Variants in TTBK2 observed in about 807,000 individuals in gnomAD.
TTBK2 encodes tau tubulin kinase 2.
A neutral mutation model predicts 110.8 loss-of-function variants in TTBK2; 28 were observed. The ratio of observed to expected loss-of-function variants is 0.25; its 90% confidence interval spans 0.19 to 0.35. The LOEUF (loss-of-function observed/expected upper bound fraction) is 0.35. Among genes scored for constraint, TTBK2 ranks in the 10% least tolerant of loss-of-function variants. The pLI is 1.00. For synonymous variants in TTBK2, 532 were observed against 527.3 expected, an observed-to-expected ratio of 1.01 and a Z score of -0.12; for missense variants, 1,369 against 1,500.3, an observed-to-expected ratio of 0.91 and a Z score of 1.45.
chr15:42,807,966 T>G (rs563176085), intron 9 of TTBK2, among the ~76,000 whole-genome samples: 1 of 152,212 alleles, frequency 6.6e-6, no homozygotes, highest in South Asian at 2.1e-4. Context: ...TTGTTGAAAA[T>G]TTAGGTGCCA....
chr15:42,907,138 T>A (rs189526440), intron 1 of TTBK2, among the ~76,000 whole-genome samples: 2,031 of 152,122 alleles, frequency 0.013, 50 homozygotes, highest in African/African-American at 0.044. Flanking sequence ...TATGATATCA[T>A]CTCACCCCAG....
chr15:42,784,556 G>A (rs1890325832), intron 10 of TTBK2, among the ~76,000 whole-genome samples: 1 of 152,222 alleles, frequency 6.6e-6, no homozygotes, highest in African/African-American at 2.4e-5. Context: ...GGGATTACAG[G>A]TGTGAGCCAC....
At chr15:42,830,157 C>A (rs1892689720) in intron 4 of TTBK2, 79 bp from the exon 5 acceptor site, 2 of 1,547,438 alleles carry the variant, frequency 1.3e-6, no homozygotes, top group African/African-American at 1.4e-5. Context: ...TACTCACTTA[C>A]CATTAAAAGA....
chr15:42,873,356 C>A (rs1260046610), intron 2 of TTBK2, among the ~76,000 whole-genome samples: 13 of 152,218 alleles, frequency 8.5e-5, no homozygotes, highest in African/African-American at 2.9e-4. Context: ...ATTGCTTGAA[C>A]CCAGGAGGCA....
intron 4 of TTBK2, among the ~76,000 whole-genome samples, chr15:42,830,748 G>C (rs982775234): frequency 6.6e-6 from 1 of 151,932 alleles, no homozygotes; most frequent in African/African-American, 2.4e-5. Context: ...GCTCACGCCT[G>C]TAATCCCAGC....
chr15:42,766,460 A>AT (rs1358707092), intron 13 of TTBK2, among the ~76,000 whole-genome samples: 1 of 145,808 alleles, frequency 6.9e-6, no homozygotes, highest in East Asian at 1.9e-4. Context: ...AAAAAAAAAA[A>AT]AAAAAAAGCA....
chr15:42,912,673 C>G (rs180750404), intron 1 of TTBK2, among the ~76,000 whole-genome samples: 1 of 150,460 alleles, frequency 6.6e-6, no homozygotes, highest in Non-Finnish European at 1.5e-5. Flanking sequence ...ATTGCAAGAT[C>G]GCGCCATTGC....
chr15:42,759,064 T>C (rs1226913883), intron 13 of TTBK2, among the ~76,000 whole-genome samples: 4 of 152,232 alleles, frequency 2.6e-5, no homozygotes, highest in Non-Finnish European at 5.9e-5. Context: ...GCCCTTGGAC[T>C]CCATCTTCAT....
intron 11 of TTBK2, among the ~76,000 whole-genome samples, chr15:42,778,956 C>T (rs1040684950): frequency 2.6e-5 from 4 of 151,900 alleles, no homozygotes; most frequent in East Asian, 1.9e-4. Flanking sequence ...ATAGTGAAAA[C>T]GCAGAACACC....
intron 3 of TTBK2, among the ~76,000 whole-genome samples, chr15:42,852,638 T>C (rs969185045): frequency 1.3e-5 from 2 of 152,150 alleles, no homozygotes; most frequent in African/African-American, 4.8e-5. Flanking sequence ...TAAAATAATC[T>C]AGACCTATTC....
At chr15:42,864,322 C>T (rs1179969195) in intron 3 of TTBK2, among the ~76,000 whole-genome samples, 2 of 152,094 alleles carry the variant, frequency 1.3e-5, no homozygotes, top group Non-Finnish European at 2.9e-5. Context: ...TGGTGGCTAA[C>T]GCCTATAATC....
rs1555427627 is a variant in TTBK2 at position 42,815,958 on chromosome 15, A to ATATATATATATATATAT, written c.603+1073_603+1074insATATATATATATATATA. Reference sequence around the variant, plus strand: ...TATATATATATATATTTAAAAAAAAAATATATATATATATATATATTTGAG... The same window carrying ATATATATATATATATAT: ...TATATATATATATATTTAAAAAAAAATATATATATATATATATATATATATATATATATATATTTGAG... On this transcript the variant is annotated intron_variant, in intron 7 of 14. Transcript: ENST00000267890. 1.0e-3 allele frequency among the ~76,000 whole-genome samples: 94 copies of ATATATATATATATATAT among 91,684 alleles called. 3 individuals are homozygous for ATATATATATATATATAT. The highest frequency in any genetic ancestry group is 5.9e-3 in the South Asian group (17 of 2,900). 60.1% of individuals were successfully genotyped at this position (91,684 alleles called of 152,430 possible).
chr15:42,755,650 AG>A (rs1272565571), intron 13 of TTBK2, among the ~76,000 whole-genome samples: 1 of 152,246 alleles, frequency 6.6e-6, no homozygotes, highest in Non-Finnish European at 1.5e-5. Context: ...CTTGGGAAAA[AG>A]CATTAGGTTC....
intron 2 of TTBK2, among the ~76,000 whole-genome samples, chr15:42,873,186 C>T (rs1894679287): frequency 6.6e-6 from 1 of 152,150 alleles, no homozygotes; most frequent in Non-Finnish European, 1.5e-5. Context: ...AAACCTAGCA[C>T]TTTGGGAGGC....
In TTBK2 at chr15:42,827,962, C is replaced by A; in HGVS notation, c.503G>T (p.Arg168Leu). The A allele has an allele frequency of 6.2e-7, 1 of 1,613,358 alleles. No homozygotes were observed. Among genetic ancestry groups the A allele is most frequent in the South Asian group, 1.1e-5 (1 of 91,024 alleles). Residue 168 changes from arginine to leucine, a missense_variant, in exon 6 of 15, where the codon CGA becomes CTA. Arg to Leu is a moderately radical substitution (Grantham distance 102). Transcript: ENST00000267890. ...KCYMLDFGLARQFTNSCGDVR... is the reference protein window; with the variant it reads ...KCYMLDFGLALQFTNSCGDVR... ...GTCACCACAGGAATTGGTAAATTGT[C>A]GAGCCAAGCCAAAATCAAGCATGTA... is the stretch of plus-strand genomic sequence containing the variant.
chr15:42,751,893 A>C, intron 14 of TTBK2, 81 bp downstream of exon 14: 2 of 1,512,512 alleles, frequency 1.3e-6, no homozygotes, highest in South Asian at 2.3e-5. Flanking sequence ...CAACACAGAA[A>C]TGTTGCCATT....
rs1555427627 is a variant in TTBK2, at chr15:42,815,958, A to ATATATATATATATATATATATATAT, written c.603+1073_603+1074insATATATATATATATATATATATATA. The stretch of plus-strand genomic sequence containing the variant: ...TATATATATATATATTTAAAAAAAA[A>ATATATATATATATATATATATATAT]ATATATATATATATATATATTTGAG... On this transcript the variant is annotated intron_variant, in intron 7 of 14. Coordinates refer to ENST00000267890, the MANE Select transcript of TTBK2 (RefSeq NM_173500.4). Among the ~76,000 whole-genome samples the ATATATATATATATATATATATATAT allele has an allele frequency of 5.5e-5, 5 of 91,692 alleles. No homozygotes were observed. In the East Asian group the frequency reaches 8.8e-4, roughly 16 times the overall value. The allele number at this position is 91,692 out of a possible 152,430, so 60.2% of individuals were successfully genotyped here. A position where few individuals can be genotyped will look rare whatever the true frequency, so the allele number is the denominator to read the frequency against.
chr15:42,746,158 G>C lies in TTBK2; in HGVS notation c.3372C>G (p.Ser1124Arg), dbSNP rs1476388970. 1 of 1,614,184 alleles carries C rather than the reference G, an allele frequency of 6.2e-7. No individual in the cohort carries two copies. The highest frequency in any genetic ancestry group is 8.5e-7 in the Non-Finnish European group (1 of 1,180,022). The change falls in exon 15 of 15, where the codon AGC becomes AGG. Residue 1124 changes from serine to arginine, a missense_variant. This residue lies in a region of TTBK2 where 1,097 missense variants were observed against 1,114.7 expected (regional missense o/e 0.98). Transcript: ENST00000267890. ...ILQNGSQKPR[S>R]TTQCKSPGSP... is the part of the protein sequence containing the mutation. ...ATCCTGGACTCTTGCACTGAGTAGT[G>C]CTCCGGGGTTTCTGAGATCCATTTT...
chr15:42,848,885 G>C (rs1427315528), intron 3 of TTBK2, among the ~76,000 whole-genome samples: 1 of 152,206 alleles, frequency 6.6e-6, no homozygotes, highest in East Asian at 1.9e-4. Context: ...TTCATTGCTA[G>C]TACACAGAAA....
Sources: allele counts gnomAD v4.1 joint callset (sites outside exome capture counted in the v4.1 genomes callset), GRCh38; gene constraint gnomAD v4.1.1; regional missense constraint gnomAD v4.1.1; transcripts MANE v1.5; gene names NCBI Gene and HGNC (gene_info 2026-07-23, HGNC 2026-07-21).